PBX3: variants seen among roughly 807,000 people sequenced by gnomAD.
The protein encoded by PBX3 is PBX homeobox 3.
PBX3 carries 14 observed loss-of-function variants against 48.5 expected under a neutral mutation model. The observed-to-expected ratio is 0.29, with a 90% CI of 0.19 to 0.45. The LOEUF (loss-of-function observed/expected upper bound fraction) is 0.45, where lower values mean the gene tolerates loss of function less well. Among genes scored for constraint, PBX3 ranks in the 20% least tolerant of loss-of-function variants. The pLI, the probability that PBX3 is intolerant of heterozygous loss-of-function variation, is 1.00. For missense variants in PBX3, 386 were observed against 546.7 expected (o/e 0.71, Z 2.93); for synonymous variants, 210 against 200.3 (o/e 1.05, Z -0.41).
At position 125,940,494 on chromosome 9, in the gene PBX3, T is replaced by A. The variant is rs201822234; in HGVS notation, c.843+4887T>A. Among the ~76,000 whole-genome samples, 7 of 152,344 alleles carry A rather than the reference T, an allele frequency of 4.6e-5. No homozygotes were observed. In the East Asian group the frequency reaches 1.3e-3, roughly 29 times the overall value. On this transcript the variant is annotated intron_variant, in intron 5 of 8. Transcript: ENST00000373489. ...CAGTGAACTTAACCAGACAGACCCA[T>A]GTCCTACCTGATAGAAATGTGTACA...
chr9:125,876,425 C>T (rs988557270), intron 2 of PBX3, among the ~76,000 whole-genome samples: 17 of 152,208 alleles, frequency 1.1e-4, no homozygotes, highest in Non-Finnish European at 2.9e-5. Flanking sequence ...CTTCCTCCTC[C>T]TCCCCTTCAG....
At chr9:125,913,695 T>C (rs1276443080) in intron 2 of PBX3, among the ~76,000 whole-genome samples, 10 of 152,018 alleles carry the variant, frequency 6.6e-5, no homozygotes, top group Admixed American at 1.3e-4. Context: ...CACATGTCCA[T>C]AGGGAAAAGA....
intron 2 of PBX3, among the ~76,000 whole-genome samples, chr9:125,749,807 C>T (rs1196062828): frequency 6.6e-6 from 1 of 152,060 alleles, no homozygotes. Flanking sequence ...CTATTCTGAT[C>T]CTAAAAGTAA....
chr9:125,776,758 G>T (rs1267583500), intron 2 of PBX3, among the ~76,000 whole-genome samples: 1 of 151,902 alleles, frequency 6.6e-6, no homozygotes, highest in African/African-American at 2.4e-5. Context: ...TCCCCAGGCT[G>T]GTCTTGAACT....
chr9:125,782,000 A>G (rs747817287), intron 2 of PBX3, among the ~76,000 whole-genome samples: 21 of 151,832 alleles, frequency 1.4e-4, no homozygotes, highest in Non-Finnish European at 2.2e-4. Flanking sequence ...CCTTTTGTGT[A>G]TAATTTTTGG....
intron 2 of PBX3, among the ~76,000 whole-genome samples, chr9:125,901,809 T>C (rs1840952028): frequency 6.6e-6 from 1 of 151,716 alleles, no homozygotes; most frequent in Non-Finnish European, 1.5e-5. Flanking sequence ...GTGGACTGTT[T>C]ATAATGTGTT....
chr9:125,814,874 C>T (rs1437402558), intron 2 of PBX3, among the ~76,000 whole-genome samples: 1 of 152,132 alleles, frequency 6.6e-6, no homozygotes, highest in Non-Finnish European at 1.5e-5. Flanking sequence ...CCATTCAAGC[C>T]GATTAACAAC....
chr9:125,904,109 G>A (rs892199536), intron 2 of PBX3, among the ~76,000 whole-genome samples: 1 of 151,938 alleles, frequency 6.6e-6, no homozygotes, highest in African/African-American at 2.4e-5. Flanking sequence ...TTATTTGGAA[G>A]CATTTAATTT....
intron 2 of PBX3, chr9:125,844,506 G>A (rs997047768): frequency 6.6e-6 from 1 of 152,008 alleles, no homozygotes; most frequent in Non-Finnish European, 1.5e-5. Context: ...AATATTACAG[G>A]TGTTTAAATT....
chr9:125,934,247 A>G (rs1000277925), intron 4 of PBX3, among the ~76,000 whole-genome samples: 1 of 152,178 alleles, frequency 6.6e-6, no homozygotes, highest in African/African-American at 2.4e-5. Context: ...TGTAGATCAC[A>G]TACTTAACCT....
intron 2 of PBX3, among the ~76,000 whole-genome samples, chr9:125,784,818 C>T (rs1000820257): frequency 8.7e-5 from 12 of 138,228 alleles, no homozygotes; most frequent in Non-Finnish European, 1.8e-4. Flanking sequence ...AGGTCATTTA[C>T]GACTGTGCCT....
At chr9:125,841,735 C>CTGTA (rs1839295481) in intron 2 of PBX3, among the ~76,000 whole-genome samples, 1 of 152,142 alleles carries the variant, frequency 6.6e-6, no homozygotes, top group Non-Finnish European at 1.5e-5. Flanking sequence ...GCTTACTTTA[C>CTGTA]TGTAGCCAGA....
chr9:125,851,043 G>A (rs991462407), intron 2 of PBX3, among the ~76,000 whole-genome samples: 1 of 152,064 alleles, frequency 6.6e-6, no homozygotes, highest in South Asian at 2.1e-4. Context: ...TTTAATGAAG[G>A]AAGATACTGT....
rs531293741 is a variant in PBX3 at position 125,965,702 on chromosome 9, C to CCA, written c.1213-126_1213-125dup. The CCA allele has an allele frequency of 2.3e-4, 158 of 696,800 alleles. 1 individual carries two copies. In the South Asian group the frequency reaches 2.8e-3, roughly 12 times the overall value. The allele number at this position is 696,800 out of a possible 1,614,324, so 43.2% of individuals were successfully genotyped here. ...CTTTAACACATGCTGCCAACTCCTG[C>CCA]CACAGTGGGTTTAGAAAATACATTT... On this transcript the variant is annotated intron_variant, in intron 8 of 8. Transcript: ENST00000373489.
chr9:125,748,254 G>T (rs960349918), intron 1 of PBX3: 1 of 1,051,972 alleles, frequency 9.5e-7, no homozygotes, highest in South Asian at 3.5e-5. Flanking sequence ...CCCCCGGGTC[G>T]CCTTCGCCTG....
At chr9:125,803,296 C>G (rs1333123528) in intron 2 of PBX3, among the ~76,000 whole-genome samples, 3 of 151,664 alleles carry the variant, frequency 2.0e-5, no homozygotes, top group Non-Finnish European at 2.9e-5. Flanking sequence ...TCATGTTGGC[C>G]AGGCTGGTCT....
chr9:125,829,311 GATTC>G (rs1220371037), intron 2 of PBX3, among the ~76,000 whole-genome samples: 1 of 152,030 alleles, frequency 6.6e-6, no homozygotes, highest in Non-Finnish European at 1.5e-5. Flanking sequence ...ATCATTACAA[GATTC>G]ATTATTTAAT....
intron 1 of PBX3, chr9:125,748,199 C>T (rs1411607223): frequency 4.0e-6 from 4 of 992,788 alleles, no homozygotes; most frequent in East Asian, 1.1e-4. Context: ...GGCCGGCCTC[C>T]TCTGCACAGG....
chr9:125,792,839 C>T (rs1837651124), intron 2 of PBX3, among the ~76,000 whole-genome samples: 1 of 151,594 alleles, frequency 6.6e-6, no homozygotes, highest in Non-Finnish European at 1.5e-5. Flanking sequence ...GCTGGGACTA[C>T]AGGCGTGTGC....
Sources: allele counts gnomAD v4.1 joint callset (sites outside exome capture counted in the v4.1 genomes callset), GRCh38; gene constraint gnomAD v4.1.1; transcripts MANE v1.5; gene names NCBI Gene and HGNC (gene_info 2026-07-23, HGNC 2026-07-21).